The following DENND2D variants were observed in gnomAD, a reference collection of about 807,000 sequenced individuals.
DENND2D encodes DENN domain-containing protein 2D.
In DENND2D, 37 loss-of-function variants were observed where a neutral mutation model predicts 59.8. The ratio of observed to expected loss-of-function variants is 0.62; its 90% CI spans 0.48 to 0.81. DENND2D has a LOEUF of 0.81. Among genes scored for constraint, DENND2D ranks in the 40% least tolerant of loss-of-function variants. DENND2D has a pLI of 0.00. For synonymous variants in DENND2D, 219 were observed against 211.3 expected (o/e 1.04, Z -0.31); for missense variants, 525 against 579.7 (o/e 0.91, Z 0.97).
At chr1:111,197,116 A>G in intron 5 of DENND2D, 60 bp downstream of exon 5, 1 of 1,554,622 alleles carries the variant, frequency 6.4e-7, no homozygotes, top group African/African-American at 1.4e-5. Flanking sequence ...TTGCACAGGC[A>G]GGGTTGGCAG....
Position 111,197,248 on chromosome 1 carries a change from G to C in DENND2D, c.432C>G (p.Ala144=). ...KIGYCRRLLP[A]GPGPRLPKVY... The stretch of plus-strand genomic sequence containing the variant: ...CTTTGGGAAGGCGAGGGCCAGGGCC[G>C]GCAGGCTGGGGAGGGACAGAGAGGC... Residue 144 remains alanine (A), a synonymous_variant, in exon 5 of 12, where the codon GCC becomes GCG. Transcript: ENST00000357640. The C allele has an allele frequency of 6.2e-7, 1 of 1,612,300 alleles. No homozygotes were observed. The highest frequency in any genetic ancestry group is 8.5e-7 in the Non-Finnish European group (1 of 1,179,486).
upstream of DENND2D, chr1:111,200,697 T>A (rs1658718516): frequency 7.7e-6 from 10 of 1,300,250 alleles, no homozygotes; most frequent in Non-Finnish European, 9.9e-6. Flanking sequence ...GTCAGCATCC[T>A]GGCACTGCAG....
intron 2 of DENND2D, 100 bp from the exon 3 acceptor site, chr1:111,198,842 G>T: frequency 1.6e-6 from 2 of 1,229,608 alleles, no homozygotes; most frequent in Non-Finnish European, 2.3e-6. Flanking sequence ...CTCTAAAGCA[G>T]TCTAGGGTTA....
intron 2 of DENND2D, 62 bp downstream of exon 2, chr1:111,199,561 C>A (rs1658591466): frequency 1.5e-5 from 23 of 1,546,056 alleles, no homozygotes; most frequent in Non-Finnish European, 2.0e-5. Flanking sequence ...GGAACCCCCA[C>A]CCCTACCACC....
chr1:111,200,498 TA>T lies in DENND2D; in HGVS notation c.-40del. ...GGACAGAGCGGACTCCCCTCTCCCC[TA>T]ACACAGACAGACTGGTGACAGTAAG... On this transcript the variant is annotated 5_prime_UTR_variant, in exon 1 of 12. An upstream open reading frame in the 5' UTR loses its in-frame stop. Transcript: ENST00000357640. 6.3e-7 allele frequency: 1 copy of T among 1,581,500 alleles called. No homozygotes were observed. The highest frequency in any genetic ancestry group is 8.6e-7 in the Non-Finnish European group (1 of 1,163,424).
intron 10 of DENND2D, 131 bp downstream of exon 10, chr1:111,188,571 T>C (rs535014787): frequency 8.6e-7 from 1 of 1,166,744 alleles, no homozygotes; most frequent in South Asian, 1.5e-5. Context: ...AATTCAGACT[T>C]GCCCTAGGTT....
chr1:111,199,517 G>A, intron 2 of DENND2D, 106 bp downstream of exon 2: 1 of 1,341,044 alleles, frequency 7.5e-7, no homozygotes, highest in Non-Finnish European at 1.0e-6. Flanking sequence ...GGCAGCTCCA[G>A]GCTCAAGCCC....
upstream of DENND2D, chr1:111,204,208 GC>G (rs1354124950): frequency 7.6e-7 from 1 of 1,320,010 alleles, no homozygotes; most frequent in Non-Finnish European, 9.8e-7. Context: ...GCCCCGTGCC[GC>G]CCTCCACCGG....
At chr1:111,204,453 G>A, upstream of DENND2D, 1 of 1,208,604 alleles carries the variant, frequency 8.3e-7, no homozygotes, top group Non-Finnish European at 1.1e-6. Context: ...CACGCGGGGG[G>A]AGGCCTAGGG....
chr1:111,188,043 T>A, intron 11 of DENND2D, 88 bp downstream of exon 11: 1 of 1,529,802 alleles, frequency 6.5e-7, no homozygotes, highest in Non-Finnish European at 8.8e-7. Context: ...TTTGTGGGTT[T>A]CTAAAGAGAA....
chr1:111,194,472 G>T, intron 7 of DENND2D, 106 bp downstream of exon 7: 6 of 1,308,150 alleles, frequency 4.6e-6, no homozygotes, highest in Non-Finnish European at 3.2e-6. Context: ...CAGGAGGGTG[G>T]GCGCATGGAC....
chr1:111,194,490 C>T (rs1423615545), intron 7 of DENND2D, 88 bp downstream of exon 7: 1 of 1,486,766 alleles, frequency 6.7e-7, no homozygotes, highest in African/African-American at 1.4e-5. Context: ...GACCCTACAG[C>T]CCATTTTCCT....
At chr1:111,203,355 C>G (rs192974544), upstream of DENND2D, among the ~76,000 whole-genome samples, 1 of 152,202 alleles carries the variant, frequency 6.6e-6, no homozygotes, top group Non-Finnish European at 1.5e-5. Context: ...GGCCTCCTGG[C>G]GTGCCAATGT....
At chr1:111,197,071 C>G in intron 5 of DENND2D, 105 bp downstream of exon 5, 1 of 1,303,328 alleles carries the variant, frequency 7.7e-7, no homozygotes, top group East Asian at 2.5e-5. Context: ...AATGCTGACT[C>G]TGGCTATGGG....
upstream of DENND2D, among the ~76,000 whole-genome samples, chr1:111,203,430 G>C (rs143110516): frequency 1.3e-5 from 2 of 152,364 alleles, no homozygotes; most frequent in African/African-American, 4.8e-5. Flanking sequence ...GGACCTCTGG[G>C]CAAAGTATCT....
At chr1:111,191,287 AT>A (rs1657743296) in intron 8 of DENND2D, among the ~76,000 whole-genome samples, 1 of 152,020 alleles carries the variant, frequency 6.6e-6, no homozygotes, top group African/African-American at 2.4e-5. Context: ...ATAGGAGAGG[AT>A]TTGGTTTTAT....
At chr1:111,196,629 A>G (rs1312377821) in intron 5 of DENND2D, 1 of 160,800 alleles carries the variant, frequency 6.2e-6, no homozygotes, top group Non-Finnish European at 1.4e-5. Flanking sequence ...TCACCAGTGG[A>G]TGGCATGGCC....
chr1:111,204,260 C>T (rs776510256), upstream of DENND2D: 283 of 1,456,622 alleles, frequency 1.9e-4, 2 homozygotes, highest in Non-Finnish European at 2.4e-4. Flanking sequence ...CCGGTGCCCA[C>T]GCCGTCCCCC....
chr1:111,197,641 G>A (rs1658370595), intron 4 of DENND2D: 1 of 1,361,856 alleles, frequency 7.3e-7, no homozygotes, highest in East Asian at 2.8e-5. Flanking sequence ...GCCAAGGTAA[G>A]CAGGCCTGGA....
Sources: allele counts gnomAD v4.1 joint callset (sites outside exome capture counted in the v4.1 genomes callset), GRCh38; gene constraint gnomAD v4.1.1; transcripts MANE v1.5; gene names NCBI Gene and HGNC (gene_info 2026-07-23, HGNC 2026-07-21).